Variants in TMOD2 observed in about 807,000 individuals in gnomAD.
The protein encoded by TMOD2 is tropomodulin 2.
In TMOD2, 22 loss-of-function variants were observed where a neutral mutation model predicts 39.9. The observed-to-expected ratio is 0.55, with a 90% CI of 0.39 to 0.79. The LOEUF is 0.79. TMOD2 is among the 30% of genes least tolerant of loss of function. TMOD2 has a pLI of 0.00. For missense variants in TMOD2, 386 were observed against 413.3 expected, an observed-to-expected ratio of 0.93 and a Z score of 0.57; for synonymous variants, 123 against 146.1, an observed-to-expected ratio of 0.84 and a Z score of 1.14.
chr15:51,790,995 T>C (rs1567244015), intron 7 of TMOD2, among the ~76,000 whole-genome samples: 1 of 152,120 alleles, frequency 6.6e-6, no homozygotes, highest in Non-Finnish European at 1.5e-5. Context: ...GTATTAGAAG[T>C]TCTGGCCAGG....
intron 8 of TMOD2, among the ~76,000 whole-genome samples, chr15:51,805,793 A>G (rs1163292747): frequency 1.3e-5 from 2 of 152,202 alleles, no homozygotes; most frequent in East Asian, 3.8e-4. Context: ...AGTCAAAATT[A>G]AAAACATTTT....
rs771097615 is a variant in TMOD2, at chr15:51,808,471, G to A, written c.*17G>A. 4 of 1,609,820 alleles carry A rather than the reference G, an allele frequency of 2.5e-6. No individual in the cohort carries two copies. In the South Asian group the frequency reaches 3.3e-5, roughly 13 times the overall value. The stretch of plus-strand genomic sequence containing the variant: ...CGAAGGTAAACTTCCTTGAGGAGAA[G>A]TGAAGTTTCACTGTGGTATGGCCAT... On this transcript the variant is annotated 3_prime_UTR_variant, in exon 10 of 10. Transcript: ENST00000249700.
At chr15:51,803,184 T>C (rs145560729) in intron 8 of TMOD2, among the ~76,000 whole-genome samples, 127 of 139,700 alleles carry the variant, frequency 9.1e-4, no homozygotes, top group East Asian at 1.9e-3. Flanking sequence ...TTTTTTTTTT[T>C]TTTTTTTCTT....
At chr15:51,774,169 A>G (rs1369294691) in intron 4 of TMOD2, among the ~76,000 whole-genome samples, 1 of 152,232 alleles carries the variant, frequency 6.6e-6, no homozygotes, top group African/African-American at 2.4e-5. Context: ...GCATTTTATC[A>G]TCACAACATT....
At chr15:51,781,667 G>A (rs2055930762) in intron 6 of TMOD2, among the ~76,000 whole-genome samples, 1 of 152,296 alleles carries the variant, frequency 6.6e-6, no homozygotes. Context: ...TCCCCAGAGC[G>A]AGTGATCCAA....
intron 8 of TMOD2, among the ~76,000 whole-genome samples, chr15:51,804,076 C>T (rs1335675547): frequency 6.6e-6 from 1 of 152,240 alleles, no homozygotes; most frequent in Non-Finnish European, 1.5e-5. Context: ...TCGAAACATG[C>T]TTGCCATCTG....
At chr15:51,755,944 A>C (rs962370441) in intron 1 of TMOD2, among the ~76,000 whole-genome samples, 1 of 152,104 alleles carries the variant, frequency 6.6e-6, no homozygotes, top group Non-Finnish European at 1.5e-5. Flanking sequence ...AGTTAGAAGA[A>C]GCCCATAAGT....
intron 1 of TMOD2, among the ~76,000 whole-genome samples, chr15:51,761,219 G>C (rs1367516496): frequency 6.6e-6 from 1 of 151,480 alleles, no homozygotes; most frequent in Admixed American, 6.6e-5. Context: ...GGAACAAAAG[G>C]CTGAAACAAG....
In TMOD2 at chr15:51,809,805, C is replaced by G. The variant is rs2056144720; in HGVS notation, c.*1351C>G. ...TCTGTAATTTGTTACTAAACAAATT[C>G]CAGAATTTGTTTAGTAGCTGAGTGT... On this transcript the variant is annotated 3_prime_UTR_variant, in exon 10 of 10. Transcript: ENST00000249700. 6.6e-6 allele frequency: 1 copy of G among 151,994 alleles called. No individual in the cohort carries two copies. Among genetic ancestry groups the G allele is most frequent in the African/African-American group, 2.4e-5 (1 of 41,340 alleles). The allele number at this position is 151,994 out of a possible 1,614,324, so 9.4% of individuals were successfully genotyped here. A position where few individuals can be genotyped will look rare whatever the true frequency, so the allele number is the denominator to read the frequency against.
At position 51,772,009 on chromosome 15, in the gene TMOD2, A is replaced by G. The variant is rs910183098; in HGVS notation, c.284-1703A>G. Among the ~76,000 whole-genome samples, 11 of 152,194 alleles carry G rather than the reference A, an allele frequency of 7.2e-5. No individual in the cohort carries two copies. In the South Asian group the frequency reaches 1.9e-3, roughly 26 times the overall value. ...TTTCTTTCCTGTGTTTGGAGTGCCC[A>G]GCTCTGACACACTCCTGTTTGCTTA... On this transcript the variant is annotated intron_variant, in intron 3 of 9. Coordinates refer to ENST00000249700, the MANE Select transcript of TMOD2 (RefSeq NM_014548.4).
intron 7 of TMOD2, among the ~76,000 whole-genome samples, chr15:51,785,887 T>C (rs989402835): frequency 5.3e-5 from 8 of 152,142 alleles, no homozygotes; most frequent in African/African-American, 1.7e-4. Context: ...TATAAAGGTA[T>C]CAAAATATTA....
chr15:51,801,232 CT>C (rs1236199919), intron 8 of TMOD2, among the ~76,000 whole-genome samples: 2 of 105,360 alleles, frequency 1.9e-5, no homozygotes, highest in Non-Finnish European at 3.9e-5. Context: ...CTCTCTCTCT[CT>C]CTCTCACACA....
chr15:51,760,311 C>T (rs1047283005), intron 1 of TMOD2, among the ~76,000 whole-genome samples: 1 of 152,194 alleles, frequency 6.6e-6, no homozygotes, highest in Admixed American at 6.5e-5. Flanking sequence ...TTTCTGAAGG[C>T]CCTAGGGGAG....
At chr15:51,778,063 A>G (rs1051949730) in intron 5 of TMOD2, among the ~76,000 whole-genome samples, 2 of 151,530 alleles carry the variant, frequency 1.3e-5, no homozygotes, top group Non-Finnish European at 2.9e-5. Flanking sequence ...CACTATTCAC[A>G]ATAGCAAAGA....
At chr15:51,772,257 C>G (rs1022329251) in intron 3 of TMOD2, among the ~76,000 whole-genome samples, 3 of 152,030 alleles carry the variant, frequency 2.0e-5, no homozygotes, top group African/African-American at 4.8e-5. Flanking sequence ...CTCTACAGAT[C>G]AAAATGGAAG....
At chr15:51,769,465 G>T (rs750144433) in intron 3 of TMOD2, among the ~76,000 whole-genome samples, 12 of 152,184 alleles carry the variant, frequency 7.9e-5, no homozygotes, top group Non-Finnish European at 1.2e-4. Context: ...ATAAGACCCT[G>T]CCCTGCCCTC....
chr15:51,785,259 A>G (rs556634791), intron 7 of TMOD2, among the ~76,000 whole-genome samples: 6 of 150,920 alleles, frequency 4.0e-5, no homozygotes, highest in Admixed American at 2.6e-4. Flanking sequence ...AAAAATACAA[A>G]AAATTAGCCG....
At chr15:51,797,970 T>C (rs1197960507) in intron 7 of TMOD2, among the ~76,000 whole-genome samples, 1 of 151,824 alleles carries the variant, frequency 6.6e-6, no homozygotes, top group Non-Finnish European at 1.5e-5. Flanking sequence ...TTTTTAAAAA[T>C]AGTTTTTGCA....
At chr15:51,800,693 TTTTTTTGTTTG>T (rs1025902969) in intron 8 of TMOD2, among the ~76,000 whole-genome samples, 8 of 152,124 alleles carry the variant, frequency 5.3e-5, no homozygotes, top group Admixed American at 3.3e-4. Flanking sequence ...CTTTATTTCT[TTTTTTTGTTTG>T]TTTTTTGTTT....
Sources: gnomAD v4.1 joint callset for allele counts (sites outside exome capture counted in the v4.1 genomes callset) on GRCh38, gnomAD v4.1.1 for gene constraint, MANE v1.5 for transcripts, NCBI Gene and HGNC (gene_info 2026-07-23, HGNC 2026-07-21) for gene names.